RAI1: variants seen among roughly 807,000 people sequenced by gnomAD.
RAI1 encodes retinoic acid induced 1.
RAI1 carries 9 observed loss-of-function variants against 123.8 expected under a neutral mutation model. The ratio of observed to expected loss-of-function variants is 0.07; its 90% CI spans 0.04 to 0.13. RAI1 has a LOEUF of 0.13. Ranked by LOEUF, RAI1 falls within the 10% of genes least tolerant of loss-of-function variation. RAI1 has a pLI of 1.00. For missense variants in RAI1, 2,256 were observed against 2,545.8 expected, an observed-to-expected ratio of 0.89 and a Z score of 2.45; for synonymous variants, 1,231 against 1,127.3, an observed-to-expected ratio of 1.09 and a Z score of -1.84.
At chr17:17,687,829 AGACTAG>A (rs1914690562) in intron 1 of RAI1, among the ~76,000 whole-genome samples, 1 of 151,842 alleles carries the variant, frequency 6.6e-6, no homozygotes, top group Non-Finnish European at 1.5e-5. Context: ...CAGGAGTTTG[AGACTAG>A]CCTGACCAAC....
At chr17:17,738,397 C>T (rs1032456991) in intron 2 of RAI1, among the ~76,000 whole-genome samples, 1 of 1,438 alleles carries the variant, frequency 7.0e-4, no homozygotes, top group East Asian at 0.019. Context: ...CCTGGCGGGG[C>T]GGGGTGGGGT....
At chr17:17,737,861 C>G (rs571240301) in intron 2 of RAI1, among the ~76,000 whole-genome samples, 4 of 152,210 alleles carry the variant, frequency 2.6e-5, no homozygotes, top group African/African-American at 9.6e-5. Flanking sequence ...AGGCCTGGAG[C>G]CCCAGAGTAA....
intron 1 of RAI1, among the ~76,000 whole-genome samples, chr17:17,694,311 C>A (rs1418917088): frequency 6.6e-6 from 1 of 152,082 alleles, no homozygotes; most frequent in East Asian, 1.9e-4. Context: ...CCCTCCTCGT[C>A]GCGGTGGAGA....
rs747292260 is a variant in RAI1 at position 17,795,103 on chromosome 17, C to G, written c.2155C>G (p.Pro719Ala). Residue 719 changes from proline to alanine, a missense_variant, in exon 3 of 6, where the codon CCA becomes GCA. This residue lies in a region of RAI1 where 566 missense variants were observed against 616.0 expected (regional missense o/e 0.92). Transcript: ENST00000353383. This position sits in a 1 kb window ranked among gnomAD's most constrained non-coding sequence, Gnocchi z 5.9. ...CAAGCCCACCCTTGGGGTTCCTGCTCCAGACCCCACTACAGCAGCTTTTGA... is the reference window on the plus strand; with the variant it reads ...CAAGCCCACCCTTGGGGTTCCTGCTGCAGACCCCACTACAGCAGCTTTTGA... ...GTKPTLGVPA[P>A]DPTTAAFDCF... 4 of 1,614,078 alleles carry G rather than the reference C, an allele frequency of 2.5e-6. No homozygotes were observed. Among genetic ancestry groups the G allele is most frequent in the East Asian group, 2.2e-5 (1 of 44,872 alleles).
intron 4 of RAI1, 100 bp downstream of exon 4, chr17:17,803,949 C>T: frequency 8.8e-7 from 1 of 1,137,490 alleles, no homozygotes; most frequent in Non-Finnish European, 1.3e-6. Flanking sequence ...CCCCATCTCA[C>T]TCTTCAGTTT....
intron 2 of RAI1, among the ~76,000 whole-genome samples, chr17:17,790,915 CAGAA>C (rs1275873605): frequency 2.0e-5 from 3 of 152,208 alleles, no homozygotes; most frequent in African/African-American, 7.2e-5. Context: ...GCTGCCAGAC[CAGAA>C]CCAAGTGCCG....
intron 2 of RAI1, chr17:17,778,887 T>C: frequency 2.2e-6 from 1 of 456,856 alleles, no homozygotes; most frequent in Non-Finnish European, 4.4e-6. Flanking sequence ...TCTGGAATGG[T>C]CTGCAGCAGC....
At chr17:17,682,561 A>T (rs1189404767) in intron 1 of RAI1, 1 of 151,874 alleles carries the variant, frequency 6.6e-6, no homozygotes, top group East Asian at 2.0e-4. Context: ...ACGCGCCTTG[A>T]AGGCAGGGAA....
At chr17:17,683,272 G>C (rs539196008) in intron 1 of RAI1, among the ~76,000 whole-genome samples, 2 of 152,234 alleles carry the variant, frequency 1.3e-5, no homozygotes, top group South Asian at 4.1e-4. Context: ...GGTTAGGCTA[G>C]CTCTGATGTG....
At chr17:17,779,521 G>C (rs2031482742) in intron 2 of RAI1, 1 of 155,650 alleles carries the variant, frequency 6.4e-6, no homozygotes, top group Non-Finnish European at 1.4e-5. Flanking sequence ...CTTAGGCCCT[G>C]AGTGAATTTT....
chr17:17,795,248 A>C lies in RAI1; in HGVS notation c.2300A>C (p.Lys767Thr). Residue 767 changes from lysine to threonine, a missense_variant, in exon 3 of 6, where the codon AAG becomes ACG. Physicochemically the swap from Lys to Thr is moderately conservative, Grantham distance 78 (BLOSUM62 -1). Coordinates refer to ENST00000353383, the MANE Select transcript of RAI1 (RefSeq NM_030665.4). This position sits in a 1 kb window ranked among gnomAD's most constrained non-coding sequence, Gnocchi z 5.9. Reference protein sequence around the residue: ...RWGLHPGELTKGLEQGGKASD... With the variant: ...RWGLHPGELTTGLEQGGKASD... ...GGATTGCACCCTGGCGAGCTTACCA[A>C]GGGCCTGGAGCAGGGTGGGAAGGCC... 6.2e-7 allele frequency: 1 copy of C among 1,614,018 alleles called. No homozygotes were observed. The highest frequency in any genetic ancestry group is 8.5e-7 in the Non-Finnish European group (1 of 1,180,004).
intron 2 of RAI1, among the ~76,000 whole-genome samples, chr17:17,731,797 C>T (rs1369085970): frequency 6.6e-6 from 1 of 152,196 alleles, no homozygotes; most frequent in Admixed American, 6.5e-5. Context: ...CCCAGAGCAG[C>T]TCGGCCTAGC....
chr17:17,784,379 G>T (rs2031744379), intron 2 of RAI1, among the ~76,000 whole-genome samples: 1 of 152,234 alleles, frequency 6.6e-6, no homozygotes, highest in African/African-American at 2.4e-5. Context: ...TGGGAAGCTG[G>T]CGTATCCAGG....
At chr17:17,786,064 C>T (rs1043495392) in intron 2 of RAI1, among the ~76,000 whole-genome samples, 2 of 152,228 alleles carry the variant, frequency 1.3e-5, no homozygotes, top group Non-Finnish European at 1.5e-5. Context: ...GCACCCTGGC[C>T]TCCCACTCCC....
chr17:17,782,122 C>T, intron 2 of RAI1: 1 of 151,166 alleles, frequency 6.6e-6, no homozygotes. Flanking sequence ...CCTAATCGGT[C>T]TTTTCCAGGC....
rs1482612733 is a variant in RAI1, at chr17:17,794,468, C to T, written c.1520C>T (p.Ser507Phe). The T allele has an allele frequency of 1.2e-6, 2 of 1,612,412 alleles. No individual in the cohort carries two copies. The highest frequency in any genetic ancestry group is 1.7e-6 in the Non-Finnish European group (2 of 1,179,694). The change falls in exon 3 of 6, where the codon TCC becomes TTC. Residue 507 changes from serine (S) to phenylalanine (F), a missense_variant. By Grantham distance (155) the Ser-to-Phe change is radical (BLOSUM62 -2). Transcript: ENST00000353383. ...LSEPPSSTPQ[S>F]THAEPQEADY... is the part of the protein sequence containing the mutation. Reference sequence around the variant, plus strand: ...GAGCCGCCGAGCAGCACGCCACAGTCCACGCATGCGGAGCCGCAGGAGGCC... The same window carrying T: ...GAGCCGCCGAGCAGCACGCCACAGTTCACGCATGCGGAGCCGCAGGAGGCC...
At chr17:17,733,892 C>T (rs941080503) in intron 2 of RAI1, among the ~76,000 whole-genome samples, 4 of 152,162 alleles carry the variant, frequency 2.6e-5, no homozygotes, top group South Asian at 2.1e-4. Flanking sequence ...CCTGGCTGCT[C>T]CTGGGGGCTG....
chr17:17,789,844 C>T (rs1017829777), intron 2 of RAI1, among the ~76,000 whole-genome samples: 19 of 152,176 alleles, frequency 1.2e-4, no homozygotes, highest in Middle Eastern at 3.4e-3. Flanking sequence ...GAGTGGGGAC[C>T]GTCCGGGCAG....
intron 2 of RAI1, among the ~76,000 whole-genome samples, chr17:17,754,191 C>CTTTTTTTTTTTTTTTTTTTTTT (rs1158475382): frequency 4.0e-5 from 3 of 75,720 alleles, no homozygotes; most frequent in African/African-American, 1.2e-4. Flanking sequence ...CTAACCCAAT[C>CTTTTTTTTTTTTTTTTTTTTTT]TTTTTTTTTT....
Sources: gnomAD v4.1 joint callset for allele counts (sites outside exome capture counted in the v4.1 genomes callset) on GRCh38, gnomAD v4.1.1 for gene constraint, gnomAD v4.1.1 regional missense constraint, Gnocchi (gnomAD v3.1) non-coding constraint, MANE v1.5 for transcripts, NCBI Gene and HGNC (gene_info 2026-07-23, HGNC 2026-07-21) for gene names.